MED13L: variants seen among roughly 807,000 people sequenced by gnomAD.
MED13L encodes the protein mediator complex subunit 13L, also known as mediator of RNA polymerase II transcription subunit 13-like.
MED13L carries 7 observed loss-of-function variants against 220.9 expected under a neutral mutation model. The ratio of observed to expected loss-of-function variants is 0.03; its 90% CI spans 0.02 to 0.06. The LOEUF is 0.06. Among genes scored for constraint, MED13L ranks in the 10% least tolerant of loss-of-function variants. MED13L has a pLI of 1.00. For missense variants in MED13L, 1,965 were observed against 2,760.5 expected, an observed-to-expected ratio of 0.71 and a Z score of 6.46; for synonymous variants, 1,011 against 1,015.2, an observed-to-expected ratio of 1.00 and a Z score of 0.08.
intron 2 of MED13L, among the ~76,000 whole-genome samples, chr12:116,138,065 A>G (rs1264146108): frequency 1.3e-5 from 2 of 152,064 alleles, no homozygotes; most frequent in African/African-American, 2.4e-5. Flanking sequence ...CATGTTGGCC[A>G]GGCTGGTCTC....
At chr12:116,203,415 GTTT>G (rs34200641) in intron 2 of MED13L, among the ~76,000 whole-genome samples, 1 of 143,752 alleles carries the variant, frequency 7.0e-6, no homozygotes, top group African/African-American at 2.5e-5. Context: ...TTTGTTTTGT[GTTT>G]TTTTTTTTGA....
At chr12:116,118,456 T>G (rs1874720463) in intron 2 of MED13L, among the ~76,000 whole-genome samples, 1 of 152,156 alleles carries the variant, frequency 6.6e-6, no homozygotes, top group African/African-American at 2.4e-5. Flanking sequence ...ATACTAAAGA[T>G]TCAAGAATAA....
intron 2 of MED13L, among the ~76,000 whole-genome samples, chr12:116,120,479 A>T (rs1044071537): frequency 0.016 from 1,337 of 84,292 alleles, 7 homozygotes; most frequent in East Asian, 0.054. Context: ...TCTCTCTCTC[A>T]CACACACACA....
rs1337705540 is a variant in MED13L, at chr12:116,006,395, C to T, written c.2255G>A (p.Gly752Asp). Residue 752 changes from glycine to aspartate, a missense_variant, in exon 12 of 31, where the codon GGT (glycine) becomes GAT (aspartate). By Grantham distance (94) the Gly-to-Asp change is moderately conservative (BLOSUM62 -1). Around this residue, in one of 10 missense-constraint regions of MED13L, gnomAD observed 818 missense variants for 1,041.2 expected, o/e 0.79. Transcript: ENST00000281928. ...ACCTGGTGTAGTGACATCCTTGGTA[C>T]CAAATCCATCCTCTGACTGTATAAT... ...LKKNKSEDGF[G>D]TKDVTTPGHS... 6.2e-7 allele frequency: 1 copy of T among 1,613,796 alleles called. No individual in the cohort carries two copies. Among genetic ancestry groups the T allele is most frequent in the Non-Finnish European group, 8.5e-7 (1 of 1,179,786 alleles).
chr12:116,256,944 G>C (rs1165237730), intron 1 of MED13L, among the ~76,000 whole-genome samples: 1 of 151,772 alleles, frequency 6.6e-6, no homozygotes. Context: ...CAAAGTGCTG[G>C]GATTACAGGC....
chr12:116,276,950 G>A, intron 1 of MED13L, 110 bp downstream of exon 1: 1 of 1,221,996 alleles, frequency 8.2e-7, no homozygotes, highest in African/African-American at 1.5e-5. Context: ...GGGGAGACGC[G>A]AGGGAGGGGC....
intron 23 of MED13L, chr12:115,980,455 CCAGGACT>C: frequency 2.6e-6 from 1 of 386,206 alleles, no homozygotes; most frequent in East Asian, 5.6e-5. Flanking sequence ...TCCCAAACAG[CCAGGACT>C]ACCGGCACAC....
At chr12:116,104,845 G>A (rs780520634) in intron 3 of MED13L, among the ~76,000 whole-genome samples, 7 of 152,170 alleles carry the variant, frequency 4.6e-5, no homozygotes, top group Non-Finnish European at 1.0e-4. Flanking sequence ...ACAGCACTGT[G>A]TCAGACCTTT....
chr12:116,051,924 G>A (rs1257577651), intron 4 of MED13L, among the ~76,000 whole-genome samples: 2 of 152,092 alleles, frequency 1.3e-5, no homozygotes, highest in African/African-American at 4.8e-5. Flanking sequence ...ATGAAACATA[G>A]CCAAATTTCC....
chr12:116,117,876 C>T (rs2137934023), intron 2 of MED13L, among the ~76,000 whole-genome samples: 1 of 152,246 alleles, frequency 6.6e-6, no homozygotes, highest in Middle Eastern at 3.4e-3. Context: ...TACATGATCA[C>T]AGCTCACTGC....
chr12:116,071,935 G>A (rs889174928), intron 4 of MED13L, among the ~76,000 whole-genome samples: 1 of 152,146 alleles, frequency 6.6e-6, no homozygotes, highest in Non-Finnish European at 1.5e-5. Flanking sequence ...AGTACTATGG[G>A]CTTATAAATT....
chr12:116,068,751 T>C (rs1429005235), intron 4 of MED13L, among the ~76,000 whole-genome samples: 1 of 151,922 alleles, frequency 6.6e-6, no homozygotes, highest in Non-Finnish European at 1.5e-5. Context: ...CTCCAATCTG[T>C]ACTCTCCCTG....
At chr12:116,039,895 G>A (rs1299117965) in intron 4 of MED13L, among the ~76,000 whole-genome samples, 1 of 152,108 alleles carries the variant, frequency 6.6e-6, no homozygotes, top group African/African-American at 2.4e-5. Flanking sequence ...CCACCATTTT[G>A]GAGATATCCC....
rs745664706 is a variant in MED13L at position 115,980,786 on chromosome 12, A to C, written c.5328T>G (p.Pro1776=). The change falls in exon 23 of 31, where the codon CCT becomes CCG. Residue 1776 remains proline (P), a synonymous_variant. Coordinates refer to ENST00000281928, the MANE Select transcript of MED13L (RefSeq NM_015335.5). The stretch of plus-strand genomic sequence containing the variant: ...TGAGGGTCATCTCAATGCTGGCTGC[A>C]GGCCCAAATCCCGTGAGGGATTTAA... ...IHIKSLTGFG[P]AASIEMTLKN... 1 of 1,614,144 alleles carries C rather than the reference A, an allele frequency of 6.2e-7. No individual in the cohort carries two copies. The highest frequency in any genetic ancestry group is 8.5e-7 in the Non-Finnish European group (1 of 1,180,028).
intron 4 of MED13L, among the ~76,000 whole-genome samples, chr12:116,025,866 C>G (rs1880357602): frequency 6.6e-6 from 1 of 152,034 alleles, no homozygotes; most frequent in African/African-American, 2.4e-5. Flanking sequence ...AATGTTCTTA[C>G]CACAGAAAAA....
At chr12:116,179,628 T>C (rs1185722295) in intron 2 of MED13L, among the ~76,000 whole-genome samples, 1 of 151,490 alleles carries the variant, frequency 6.6e-6, no homozygotes, top group African/African-American at 2.4e-5. Context: ...AAACACTCTA[T>C]GAAGGTATTT....
intron 2 of MED13L, among the ~76,000 whole-genome samples, chr12:116,137,432 A>G (rs1222457649): frequency 6.6e-6 from 1 of 152,196 alleles, no homozygotes; most frequent in East Asian, 1.9e-4. Flanking sequence ...GGCCAAAAAG[A>G]TAACAAATGA....
rs1171254892 is a variant in MED13L, at chr12:116,107,175, TAAAC to T, written c.395+4249_395+4252del. ...TCTGAAGGAAGTGAAGAAAAGGACT[TAAAC>T]AAACACGTACCCCCAAAAAGAGACA... On this transcript the variant is annotated intron_variant, in intron 3 of 30. Coordinates refer to ENST00000281928, the MANE Select transcript of MED13L (RefSeq NM_015335.5). Among the ~76,000 whole-genome samples, 5 of 152,246 alleles carry T rather than the reference TAAAC, an allele frequency of 3.3e-5. No individual in the cohort carries two copies. In the East Asian group the frequency reaches 5.8e-4, roughly 18 times the overall value.
chr12:116,152,196 TACTC>T (rs919727513), intron 2 of MED13L, among the ~76,000 whole-genome samples: 3 of 152,142 alleles, frequency 2.0e-5, no homozygotes, highest in Non-Finnish European at 2.9e-5. Context: ...AAAAAGTAAA[TACTC>T]AGTAAATGCC....
Sources: gnomAD v4.1 joint callset for allele counts (sites outside exome capture counted in the v4.1 genomes callset) on GRCh38, gnomAD v4.1.1 for gene constraint, gnomAD v4.1.1 regional missense constraint, MANE v1.5 for transcripts, NCBI Gene and HGNC (gene_info 2026-07-23, HGNC 2026-07-21) for gene names.